The following SNTB1 variants were observed in gnomAD, a reference collection of about 807,000 sequenced individuals.
SNTB1 encodes beta-1-syntrophin.
SNTB1 carries 36 observed loss-of-function variants against 48.9 expected under a neutral mutation model. The observed-to-expected ratio is 0.74, with a 90% confidence interval of 0.56 to 0.97. The LOEUF (loss-of-function observed/expected upper bound fraction) is 0.97. Among genes scored for constraint, SNTB1 ranks in the 50% least tolerant of loss-of-function variants. SNTB1 has a pLI of 0.00. For missense variants in SNTB1, 786 were observed against 703.4 expected, an observed-to-expected ratio of 1.12 and a Z score of -1.33; for synonymous variants, 299 against 294.6, an observed-to-expected ratio of 1.01 and a Z score of -0.15.
intron 4 of SNTB1, among the ~76,000 whole-genome samples, chr8:120,550,385 T>C (rs1304564016): frequency 6.6e-6 from 1 of 151,718 alleles, no homozygotes; most frequent in Non-Finnish European, 1.5e-5. Context: ...CTACTAAAAA[T>C]ACAAAAATTA....
chr8:120,638,835 T>C (rs1817131007), intron 2 of SNTB1, among the ~76,000 whole-genome samples: 1 of 152,230 alleles, frequency 6.6e-6, no homozygotes, highest in Admixed American at 6.5e-5. Context: ...TCCAAGTCTT[T>C]GCTATTGTGA....
At chr8:120,691,895 G>C (rs1818134346) in intron 2 of SNTB1, among the ~76,000 whole-genome samples, 1 of 152,138 alleles carries the variant, frequency 6.6e-6, no homozygotes, top group Admixed American at 6.5e-5. Context: ...CAGATCATTG[G>C]GAGATGGGAC....
intron 1 of SNTB1, among the ~76,000 whole-genome samples, chr8:120,784,709 G>A (rs542726904): frequency 6.6e-6 from 1 of 152,338 alleles, no homozygotes; most frequent in Admixed American, 6.5e-5. Flanking sequence ...GGCATTGTAA[G>A]CATGCCTCTT....
chr8:120,591,993 G>A (rs1587013514), intron 3 of SNTB1, among the ~76,000 whole-genome samples: 1 of 152,020 alleles, frequency 6.6e-6, no homozygotes, highest in East Asian at 1.9e-4. Context: ...GAATAGTAAG[G>A]GTCAAACTTT....
At chr8:120,761,442 C>T (rs1301826431) in intron 1 of SNTB1, 1 of 152,216 alleles carries the variant, frequency 6.6e-6, no homozygotes, top group Non-Finnish European at 1.5e-5. Flanking sequence ...CAACACTAAT[C>T]TCTATAGTTG....
chr8:120,634,109 T>A (rs141704032), intron 2 of SNTB1, among the ~76,000 whole-genome samples: 1 of 152,164 alleles, frequency 6.6e-6, no homozygotes, highest in Admixed American at 6.5e-5. Context: ...CTGTTCTCCG[T>A]ATCTGTAAAT....
chr8:120,753,709 A>G (rs1409413167), intron 1 of SNTB1, among the ~76,000 whole-genome samples: 6 of 152,188 alleles, frequency 3.9e-5, no homozygotes, highest in Non-Finnish European at 8.8e-5. Context: ...CGGTCAGCAG[A>G]ACAACGATCA....
chr8:120,731,408 G>T (rs2129977622), intron 1 of SNTB1, among the ~76,000 whole-genome samples: 1 of 152,310 alleles, frequency 6.6e-6, no homozygotes, highest in East Asian at 1.9e-4. Flanking sequence ...CAGAGAGAGT[G>T]AAAGATGTGA....
chr8:120,770,233 C>T (rs891052185), intron 1 of SNTB1, among the ~76,000 whole-genome samples: 5 of 152,108 alleles, frequency 3.3e-5, no homozygotes, highest in African/African-American at 1.2e-4. Flanking sequence ...TTCCTCCCAA[C>T]AAATATTGAT....
chr8:120,641,208 A>G (rs1437593000), intron 2 of SNTB1, among the ~76,000 whole-genome samples: 2 of 152,226 alleles, frequency 1.3e-5, no homozygotes, highest in African/African-American at 2.4e-5. Context: ...GTAAAGTTGC[A>G]TAGCAGAACA....
chr8:120,634,723 G>C (rs764451010), intron 2 of SNTB1, among the ~76,000 whole-genome samples: 9 of 152,118 alleles, frequency 5.9e-5, no homozygotes, highest in Admixed American at 2.0e-4. Context: ...ATGCAACTTG[G>C]CCTTGTTAAC....
At chr8:120,713,307 C>A (rs956708291) in intron 1 of SNTB1, among the ~76,000 whole-genome samples, 3 of 152,212 alleles carry the variant, frequency 2.0e-5, no homozygotes, top group Non-Finnish European at 4.4e-5. Context: ...ACACATATTA[C>A]ATGCATTTCA....
chr8:120,625,843 T>C (rs1484397203), intron 3 of SNTB1, among the ~76,000 whole-genome samples: 1 of 152,218 alleles, frequency 6.6e-6, no homozygotes, highest in Non-Finnish European at 1.5e-5. Flanking sequence ...TCTATTTCTA[T>C]CTCTTATCAG....
intron 1 of SNTB1, among the ~76,000 whole-genome samples, chr8:120,772,031 G>A (rs934132516): frequency 2.6e-5 from 4 of 151,510 alleles, no homozygotes; most frequent in South Asian, 4.2e-4. Flanking sequence ...CACCACACCC[G>A]GCTAATTTTT....
chr8:120,560,756 A>G (rs1378427663), intron 4 of SNTB1, among the ~76,000 whole-genome samples: 1 of 152,186 alleles, frequency 6.6e-6, no homozygotes. Flanking sequence ...TGCCAGTAGT[A>G]TTATGGACAG....
intron 2 of SNTB1, among the ~76,000 whole-genome samples, chr8:120,671,029 T>G (rs1336744628): frequency 6.6e-6 from 1 of 152,244 alleles, no homozygotes; most frequent in Non-Finnish European, 1.5e-5. Context: ...TGTTTGATTA[T>G]TTCAAAAGAG....
Position 120,708,853 on chromosome 8 carries a change from C to G in SNTB1, c.572-14945G>C, listed in dbSNP as rs150895674. ...TAAAGACTATCCACTAGAAATAAAA[C>G]CAAATTGACATCAAGCATTCTGAAT... is the stretch of plus-strand genomic sequence containing the variant. On this transcript the variant is annotated intron_variant, in intron 1 of 6. Transcript: ENST00000517992. Among the ~76,000 whole-genome samples, 61 of 152,194 alleles carry G rather than the reference C, an allele frequency of 4.0e-4. 1 individual carries two copies. In the East Asian group the frequency reaches 0.01, roughly 26 times the overall value.
At chr8:120,602,731 C>A (rs1375763560) in intron 3 of SNTB1, among the ~76,000 whole-genome samples, 2 of 151,868 alleles carry the variant, frequency 1.3e-5, no homozygotes, top group African/African-American at 4.8e-5. Flanking sequence ...CTAATATTTT[C>A]TATTCTATTT....
chr8:120,614,720 C>T (rs970049337), intron 3 of SNTB1, among the ~76,000 whole-genome samples: 4 of 152,100 alleles, frequency 2.6e-5, no homozygotes, highest in Non-Finnish European at 5.9e-5. Flanking sequence ...CCCTATTTCA[C>T]AGTTCGTAAA....
Sources: allele counts gnomAD v4.1 joint callset (sites outside exome capture counted in the v4.1 genomes callset), GRCh38; gene constraint gnomAD v4.1.1; transcripts MANE v1.5; gene names NCBI Gene and HGNC (gene_info 2026-07-23, HGNC 2026-07-21).